C3orf52: variants seen among roughly 807,000 people sequenced by gnomAD.
C3orf52 encodes chromosome 3 open reading frame 52.
In C3orf52, 22 loss-of-function variants were observed where a neutral mutation model predicts 24.8. The observed-to-expected ratio is 0.89, with a 90% CI of 0.63 to 1.27. The LOEUF (loss-of-function observed/expected upper bound fraction) is 1.27. C3orf52 is among the 50% of genes most tolerant of loss of function. The pLI, the probability that C3orf52 is intolerant of heterozygous loss-of-function variation, is 0.00. For synonymous variants in C3orf52, 93 were observed against 100.2 expected (o/e 0.93, Z 0.43); for missense variants, 265 against 260.7 (o/e 1.02, Z -0.11).
chr3:112,090,230 G>C (rs2073864887), intron 1 of C3orf52, among the ~76,000 whole-genome samples: 1 of 151,468 alleles, frequency 6.6e-6, no homozygotes, highest in African/African-American at 2.4e-5. Context: ...TGGGCAGACA[G>C]CTGAGAAGCA....
intron 2 of C3orf52, 68 bp from the exon 3 acceptor site, chr3:112,102,770 A>C: frequency 1.4e-6 from 2 of 1,381,576 alleles, no homozygotes; most frequent in South Asian, 2.8e-5. Context: ...CAATGGAATA[A>C]ATAAGTTTAT....
chr3:112,134,505 T>G (rs1367510483), downstream of C3orf52: 1 of 152,118 alleles, frequency 6.6e-6, no homozygotes, highest in Non-Finnish European at 1.5e-5. Flanking sequence ...GGTGGCCAAG[T>G]AAGTAGGCCA....
intron 5 of C3orf52, among the ~76,000 whole-genome samples, chr3:112,114,131 A>T (rs547712828): frequency 2.0e-5 from 3 of 152,326 alleles, no homozygotes; most frequent in Admixed American, 6.5e-5. Context: ...GGTTAAAAGC[A>T]CAAGTGTTAG....
chr3:112,132,207 A>T (rs1453301479), downstream of C3orf52, among the ~76,000 whole-genome samples: 1 of 152,210 alleles, frequency 6.6e-6, no homozygotes, highest in East Asian at 1.9e-4. Flanking sequence ...GACATGAGAT[A>T]TTCCACAGGA....
At chr3:112,105,114 A>G (rs2074011262) in intron 3 of C3orf52, among the ~76,000 whole-genome samples, 1 of 152,198 alleles carries the variant, frequency 6.6e-6, no homozygotes. Flanking sequence ...GCTCATCACT[A>G]GGTAGTGGCA....
Position 112,116,622 on chromosome 3 carries a change from C to A in C3orf52, c.650-20C>A. The A allele has an allele frequency of 6.5e-7, 1 of 1,536,382 alleles. No homozygotes were observed. Among genetic ancestry groups the A allele is most frequent in the Non-Finnish European group, 8.8e-7 (1 of 1,138,514 alleles). On this transcript the variant is annotated intron_variant, in intron 5 of 5. Coordinates refer to ENST00000264848, the MANE Select transcript of C3orf52 (RefSeq NM_024616.3). ...GTTTTAAAAATCAGTAACTTTTGTT[C>A]ATCTGTGTTTTCTTTTTAGAATGAA...
chr3:112,093,712 A>T (rs1444947211), intron 2 of C3orf52, among the ~76,000 whole-genome samples: 1 of 152,236 alleles, frequency 6.6e-6, no homozygotes, highest in African/African-American at 2.4e-5. Context: ...CAGAAGAAAT[A>T]TAGAAACCAG....
At chr3:112,124,084 G>A (rs1378480380) in intron 4 of C3orf52, among the ~76,000 whole-genome samples, 1 of 152,220 alleles carries the variant, frequency 6.6e-6, no homozygotes, top group Non-Finnish European at 1.5e-5. Context: ...CATTGTTGGA[G>A]GTGGTGCCTA....
chr3:112,121,982 AAACT>A (rs1410561355), downstream of C3orf52: 2 of 152,270 alleles, frequency 1.3e-5, no homozygotes, highest in African/African-American at 4.8e-5. Context: ...CTTTTAAAAC[AAACT>A]ATTTTAGCAT....
chr3:112,109,433 C>T, intron 3 of C3orf52, 110 bp from the exon 4 acceptor site: 3 of 540,214 alleles, frequency 5.6e-6, no homozygotes, highest in Non-Finnish European at 1.0e-5. Context: ...ACGTTGATTC[C>T]AGGCTGGAGT....
downstream of C3orf52, among the ~76,000 whole-genome samples, chr3:112,119,280 C>T (rs1188138477): frequency 6.6e-6 from 1 of 152,134 alleles, no homozygotes; most frequent in Non-Finnish European, 1.5e-5. Context: ...GAGGCTGAGG[C>T]AAGAGAATCG....
chr3:112,104,180 CAG>C (rs1342447242), intron 3 of C3orf52, among the ~76,000 whole-genome samples: 6 of 152,186 alleles, frequency 3.9e-5, no homozygotes, highest in Admixed American at 1.3e-4. Flanking sequence ...AGTGATTGGG[CAG>C]ATGGATGGCG....
downstream of C3orf52, chr3:112,133,263 T>A: frequency 1.2e-6 from 1 of 834,114 alleles, no homozygotes; most frequent in Non-Finnish European, 2.0e-6. Context: ...GAGAAGGGTG[T>A]CTCTGCAGAG....
intron 2 of C3orf52, among the ~76,000 whole-genome samples, chr3:112,097,271 A>G (rs947535810): frequency 2.6e-5 from 4 of 152,196 alleles, no homozygotes; most frequent in African/African-American, 9.6e-5. Flanking sequence ...CACTTTACTA[A>G]TGAAGTTTTG....
At chr3:112,127,733 C>A (rs2074360504) in intron 4 of C3orf52, among the ~76,000 whole-genome samples, 1 of 152,194 alleles carries the variant, frequency 6.6e-6, no homozygotes, top group Non-Finnish European at 1.5e-5. Context: ...CATGCAGACT[C>A]AGATTTGCAG....
At chr3:112,096,734 A>G (rs969364223) in intron 2 of C3orf52, among the ~76,000 whole-genome samples, 3 of 151,894 alleles carry the variant, frequency 2.0e-5, no homozygotes, top group African/African-American at 7.3e-5. Context: ...ATATTTTTTC[A>G]CTCGAATTAA....
At chr3:112,130,606 A>G (rs2074430341), downstream of C3orf52, 2 of 1,100,610 alleles carry the variant, frequency 1.8e-6, no homozygotes, top group Non-Finnish European at 1.4e-6. Context: ...CATTTCTGCT[A>G]TTTGTGTGTA....
At chr3:112,106,946 A>T (rs757518257) in intron 3 of C3orf52, among the ~76,000 whole-genome samples, 5 of 152,160 alleles carry the variant, frequency 3.3e-5, no homozygotes, top group Admixed American at 6.5e-5. Flanking sequence ...AGCCTCATAG[A>T]CATTGTGTGG....
downstream of C3orf52, chr3:112,130,745 A>G (rs141876052): frequency 2.9e-4 from 157 of 550,008 alleles, no homozygotes; most frequent in South Asian, 4.1e-4. Flanking sequence ...TCCAACCTCC[A>G]TGAACAAGTG....
Sources: gnomAD v4.1 joint callset for allele counts (sites outside exome capture counted in the v4.1 genomes callset) on GRCh38, gnomAD v4.1.1 for gene constraint, MANE v1.5 for transcripts, NCBI Gene and HGNC (gene_info 2026-07-23, HGNC 2026-07-21) for gene names.